The following RNASEH1 variants were observed in gnomAD, a reference collection of about 807,000 sequenced individuals.
The protein encoded by RNASEH1 is ribonuclease H1.
Under a neutral mutation model 34.6 loss-of-function variants are expected in RNASEH1, and 27 were observed. That is an observed-to-expected ratio of 0.78 (90% CI 0.58 to 1.08). The LOEUF is 1.08. Ranked by LOEUF, RNASEH1 falls within the 50% of genes least tolerant of loss-of-function variation. RNASEH1 has a pLI of 0.00. For synonymous variants in RNASEH1, 162 were observed against 138.4 expected (o/e 1.17, Z -1.20); for missense variants, 349 against 373.6 (o/e 0.93, Z 0.54).
chr2:3,532,426 A>C, the RNASEH1 span: 1 of 694,890 alleles, frequency 1.4e-6, no homozygotes, highest in Non-Finnish European at 2.6e-6. Context: ...TGAGTGCTGA[A>C]CTCCCAAGGG....
chr2:3,532,119 T>G, the RNASEH1 span: 12 of 604,844 alleles, frequency 2.0e-5, no homozygotes, highest in South Asian at 6.0e-5. Flanking sequence ...GGAAGGGGAG[T>G]TTTGGGGAAT....
chr2:3,541,472 A>C lies in RNASEH1; in HGVS notation c.*4313T>G, dbSNP rs1668300983. Among the ~76,000 whole-genome samples the C allele has an allele frequency of 6.6e-6, 1 of 152,242 alleles. No homozygotes were observed. The highest frequency in any genetic ancestry group is 1.5e-5 in the Non-Finnish European group (1 of 68,046). On this transcript the variant is annotated 3_prime_UTR_variant, in exon 8 of 8. Transcript: ENST00000315212. ...TTTATTTGCTTTATTTTTATTTAGA[A>C]ATTGGAAATAATCGAAATATCGGTC...
Position 3,545,614 on chromosome 2 carries a change from C to T in RNASEH1, c.*171G>A, listed in dbSNP as rs1668669872. The T allele has an allele frequency of 1.7e-6, 1 of 604,962 alleles. No individual in the cohort carries two copies. The highest frequency in any genetic ancestry group is 2.8e-5 in the East Asian group (1 of 36,178). The allele number at this position is 604,962 out of a possible 1,614,324, so 37.5% of individuals were successfully genotyped here. On this transcript the variant is annotated 3_prime_UTR_variant, in exon 8 of 8. Transcript: ENST00000315212. Reference sequence around the variant, plus strand: ...GATGTTCAATTTATTATATACTTAACCATTTTTTATAAACACATGTCACAG... The same window carrying T: ...GATGTTCAATTTATTATATACTTAATCATTTTTTATAAACACATGTCACAG...
chr2:3,533,643 C>T, the RNASEH1 span: 3 of 152,294 alleles, frequency 2.0e-5, no homozygotes, highest in Admixed American at 6.5e-5. Context: ...CTGTGGAAAA[C>T]AGGATGCCTG....
intron 4 of RNASEH1, 144 bp downstream of exon 4, chr2:3,550,229 C>G (rs1191846050): frequency 1.4e-6 from 1 of 712,336 alleles, no homozygotes; most frequent in South Asian, 1.5e-5. Flanking sequence ...AGCCCCAACA[C>G]GAACCAAAGC....
rs762959474 is a variant in RNASEH1 at position 3,548,752 on chromosome 2, T to C, written c.565-28A>G. 4 of 1,542,566 alleles carry C rather than the reference T, an allele frequency of 2.6e-6. No individual in the cohort carries two copies. The East Asian group carries it at 6.7e-5, about 26-fold the overall frequency. On this transcript the variant is annotated intron_variant, in intron 5 of 7. Coordinates refer to ENST00000315212, the MANE Select transcript of RNASEH1 (RefSeq NM_002936.6). ...TGAAAAGACAAGTCGATAGTCATGC[T>C]ACAGAAAATGTTCAACTCTGACATT...
intron 7 of RNASEH1, 137 bp downstream of exon 7, chr2:3,547,794 C>T (rs1259674355): frequency 3.6e-5 from 33 of 907,206 alleles, no homozygotes; most frequent in East Asian, 2.1e-4. Context: ...GCCTCAAATA[C>T]GTTGTAATAT....
chr2:3,553,273 G>C (rs1028295574), intron 2 of RNASEH1, among the ~76,000 whole-genome samples: 1 of 151,568 alleles, frequency 6.6e-6, no homozygotes, highest in Admixed American at 6.6e-5. Flanking sequence ...ACAGAAACCA[G>C]AAACTAAAAG....
chr2:3,532,436 G>A, the RNASEH1 span: 3 of 688,198 alleles, frequency 4.4e-6, no homozygotes, highest in Non-Finnish European at 8.0e-6. Context: ...ACTCCCAAGG[G>A]GCCCCGTTAC....
chr2:3,553,024 G>A (rs2147755853), intron 2 of RNASEH1, among the ~76,000 whole-genome samples: 1 of 152,210 alleles, frequency 6.6e-6, no homozygotes, highest in East Asian at 2.0e-4. Context: ...GAGGCGGGCA[G>A]ATCATTTGAG....
intron 7 of RNASEH1, among the ~76,000 whole-genome samples, chr2:3,547,130 G>C (rs190301412): frequency 1.1e-4 from 16 of 152,226 alleles, no homozygotes; most frequent in Admixed American, 9.8e-4. Flanking sequence ...CCAAAAAACT[G>C]TATTACTTGT....
downstream of RNASEH1, among the ~76,000 whole-genome samples, chr2:3,539,253 G>A (rs1309700222): frequency 2.6e-5 from 4 of 152,062 alleles, no homozygotes; most frequent in Admixed American, 1.3e-4. Flanking sequence ...ACACGAATCT[G>A]TGCATATTTA....
rs758548279 is a variant in RNASEH1, at chr2:3,552,154, A to G, written c.399T>C (p.Phe133=). 3.7e-6 allele frequency: 6 copies of G among 1,609,044 alleles called. No homozygotes were observed. Among genetic ancestry groups the G allele is most frequent in the Non-Finnish European group, 5.1e-6 (6 of 1,178,998 alleles). ...CCAAGGAAGATGTACCCATGTAGGA[A>G]AACGTGTCTCTGCTAACTGGAGGCG... ...EPAPPVSRDT[F]SYMGDFVVVY... The change falls in exon 3 of 8, where the codon TTT becomes TTC. Residue 133 remains phenylalanine, a synonymous_variant. Coordinates refer to ENST00000315212, the MANE Select transcript of RNASEH1 (RefSeq NM_002936.6).
chr2:3,558,174 A>G lies in RNASEH1; in HGVS notation c.87T>C (p.Tyr29=). 6.2e-7 allele frequency: 1 copy of G among 1,603,936 alleles called. No individual in the cohort carries two copies. The highest frequency in any genetic ancestry group is 1.3e-5 in the African/African-American group (1 of 74,080). ...RRGSRGFGMF[Y]AVRRGRKTGV... ...CGGTCTTGCGGCCCCTCCTCACGGC[A>G]TAGAACATCCCGAACCCGCGAGAGC... is the stretch of plus-strand genomic sequence containing the variant. Residue 29 remains tyrosine (Y), a synonymous_variant, in exon 1 of 8, where the codon TAT becomes TAC. Coordinates refer to ENST00000315212, the MANE Select transcript of RNASEH1 (RefSeq NM_002936.6).
downstream of RNASEH1, among the ~76,000 whole-genome samples, chr2:3,537,874 C>T (rs978840962): frequency 6.6e-6 from 1 of 151,110 alleles, no homozygotes; most frequent in Non-Finnish European, 1.5e-5. Context: ...CCCATCTCTA[C>T]TAAAAATACA....
In RNASEH1 at chr2:3,541,736, T is replaced by C. The variant is rs554440940; in HGVS notation, c.*4049A>G. Among the ~76,000 whole-genome samples the C allele has an allele frequency of 1.3e-5, 2 of 152,116 alleles. No homozygotes were observed. Among genetic ancestry groups the C allele is most frequent in the Non-Finnish European group, 2.9e-5 (2 of 68,032 alleles). On this transcript the variant is annotated 3_prime_UTR_variant, in exon 8 of 8. Transcript: ENST00000315212. ...ACACGAGGGACGGTTTAGACCGGGGTGTGAAACTGCTGTTGGTGGTGATGG... is the reference window on the plus strand; with the variant it reads ...ACACGAGGGACGGTTTAGACCGGGGCGTGAAACTGCTGTTGGTGGTGATGG...
At chr2:3,538,631 C>T (rs559541867), downstream of RNASEH1, among the ~76,000 whole-genome samples, 22 of 152,320 alleles carry the variant, frequency 1.4e-4, no homozygotes, top group South Asian at 1.7e-3. Flanking sequence ...GTCACTCTAA[C>T]GCTGTTTATT....
At chr2:3,557,571 A>T in intron 1 of RNASEH1, 2 of 293,552 alleles carry the variant, frequency 6.8e-6, no homozygotes, top group Non-Finnish European at 1.3e-5. Flanking sequence ...TTCTGGTGGT[A>T]CAGTCAGAAC....
At chr2:3,549,028 A>C in intron 5 of RNASEH1, 30 bp downstream of exon 5, 2 of 1,579,664 alleles carry the variant, frequency 1.3e-6, no homozygotes, top group Non-Finnish European at 1.7e-6. Context: ...TGCTCAAAAA[A>C]GAGAGGCTTA....
Sources: allele counts gnomAD v4.1 joint callset (sites outside exome capture counted in the v4.1 genomes callset), GRCh38; gene constraint gnomAD v4.1.1; transcripts MANE v1.5; gene names NCBI Gene and HGNC (gene_info 2026-07-23, HGNC 2026-07-21).